HAS2: variants seen among roughly 807,000 people sequenced by gnomAD.
The protein encoded by HAS2 is HA synthase 2.
HAS2 carries 16 observed loss-of-function variants against 51.6 expected under a neutral mutation model. The observed-to-expected ratio is 0.31, with a 90% CI of 0.21 to 0.47. The LOEUF is 0.47. HAS2 is among the 20% of genes least tolerant of loss of function. The pLI, the probability that HAS2 is intolerant of heterozygous loss-of-function variation, is 1.00. For synonymous variants in HAS2, 228 were observed against 235.5 expected, an observed-to-expected ratio of 0.97 and a Z score of 0.29; for missense variants, 361 against 662.6, an observed-to-expected ratio of 0.54 and a Z score of 5.00.
rs1812820335 is a variant in HAS2 at position 121,624,878 on chromosome 8, G to A, written c.627+3836C>T. Reference sequence around the variant, plus strand: ...TGGGAGGCCGAGGCGGGTGGATCACGAGGTCAGGAGGTCGAGACCATCCTG... The same window carrying A: ...TGGGAGGCCGAGGCGGGTGGATCACAAGGTCAGGAGGTCGAGACCATCCTG... On this transcript the variant is annotated intron_variant, in intron 2 of 3. Transcript: ENST00000303924. 3.9e-5 allele frequency among the ~76,000 whole-genome samples: 6 copies of A among 152,006 alleles called. No homozygotes were observed. The South Asian group carries it at 1.2e-3, about 32-fold the overall frequency.
At chr8:121,626,357 A>G (rs193236096) in intron 2 of HAS2, among the ~76,000 whole-genome samples, 12 of 152,322 alleles carry the variant, frequency 7.9e-5, no homozygotes, top group Non-Finnish European at 1.3e-4. Flanking sequence ...ATTCAAGACC[A>G]AGTGAAAAGA....
At chr8:121,624,425 C>G (rs1812814628) in intron 2 of HAS2, among the ~76,000 whole-genome samples, 1 of 152,214 alleles carries the variant, frequency 6.6e-6, no homozygotes, top group African/African-American at 2.4e-5. Context: ...GTGTGCTTGT[C>G]AGCAAATGAC....
At chr8:121,640,541 T>C (rs2130458761) in intron 1 of HAS2, among the ~76,000 whole-genome samples, 1 of 151,920 alleles carries the variant, frequency 6.6e-6, no homozygotes, top group East Asian at 1.9e-4. Context: ...CCTCTGCTGC[T>C]CCGGAAGATG....
At chr8:121,623,461 A>G (rs1812801491) in intron 2 of HAS2, among the ~76,000 whole-genome samples, 1 of 152,190 alleles carries the variant, frequency 6.6e-6, no homozygotes, top group Non-Finnish European at 1.5e-5. Flanking sequence ...GTGCCCTTAA[A>G]TCAAGATTTA....
chr8:121,630,556 A>G (rs898702085), intron 1 of HAS2, among the ~76,000 whole-genome samples: 2 of 152,156 alleles, frequency 1.3e-5, no homozygotes, highest in Non-Finnish European at 2.9e-5. Flanking sequence ...AAGAAGATAT[A>G]ATTGGTATAA....
In HAS2 at chr8:121,627,890, G is replaced by A. The variant is rs1234379260; in HGVS notation, c.627+824C>T. Among the ~76,000 whole-genome samples, 4 of 152,170 alleles carry A rather than the reference G, an allele frequency of 2.6e-5. No individual in the cohort carries two copies. In the East Asian group the frequency reaches 5.8e-4, roughly 22 times the overall value. On this transcript the variant is annotated intron_variant, in intron 2 of 3. Coordinates refer to ENST00000303924, the MANE Select transcript of HAS2 (RefSeq NM_005328.3). ...TTTTTCCCCTCTCAATACCATCATG[G>A]CCAAAATCTAATTATTATAAAGTAT...
intron 1 of HAS2, 103 bp from the exon 2 acceptor site, chr8:121,629,443 T>C (rs1812899492): frequency 1.1e-6 from 1 of 920,922 alleles, no homozygotes; most frequent in East Asian, 2.4e-5. Flanking sequence ...CATTCAGGAG[T>C]TTTAACACTC....
chr8:121,617,554 G>A (rs1334057539), intron 2 of HAS2, among the ~76,000 whole-genome samples: 5 of 151,518 alleles, frequency 3.3e-5, no homozygotes, highest in Admixed American at 6.6e-5. Flanking sequence ...CTGGCAAACT[G>A]TAATGGTTGG....
intron 2 of HAS2, among the ~76,000 whole-genome samples, chr8:121,623,347 A>G (rs1239470112): frequency 6.6e-6 from 1 of 152,190 alleles, no homozygotes; most frequent in Non-Finnish European, 1.5e-5. Flanking sequence ...TGGAAAAGTG[A>G]GAAACCAAAT....
intron 2 of HAS2, among the ~76,000 whole-genome samples, chr8:121,623,323 G>A (rs1485029967): frequency 6.6e-6 from 1 of 152,092 alleles, no homozygotes; most frequent in Non-Finnish European, 1.5e-5. Context: ...GCAAAACAAA[G>A]GTGACGAGCC....
intron 1 of HAS2, among the ~76,000 whole-genome samples, chr8:121,640,610 T>C (rs1418409342): frequency 6.6e-6 from 1 of 152,048 alleles, no homozygotes; most frequent in Non-Finnish European, 1.5e-5. Context: ...AGGCTACCTG[T>C]GTCCCCAGAA....
chr8:121,621,441 T>G (rs1812772775), intron 2 of HAS2, among the ~76,000 whole-genome samples: 1 of 152,182 alleles, frequency 6.6e-6, no homozygotes, highest in African/African-American at 2.4e-5. Flanking sequence ...TGTGAGACAC[T>G]GCAAATAAAA....
At chr8:121,618,039 A>G (rs530060403) in intron 2 of HAS2, among the ~76,000 whole-genome samples, 335 of 151,832 alleles carry the variant, frequency 2.2e-3, no homozygotes, top group Non-Finnish European at 3.6e-3. Flanking sequence ...TAGACCAACC[A>G]CAACTTCAAG....
Position 121,613,427 on chromosome 8 carries a change from T to C in HAS2, c.*682A>G, listed in dbSNP as rs1234800543. 1.3e-5 allele frequency: 2 copies of C among 152,634 alleles called. No homozygotes were observed. Among genetic ancestry groups the C allele is most frequent in the Non-Finnish European group, 2.9e-5 (2 of 68,038 alleles). 9.5% of individuals were successfully genotyped at this position (152,634 alleles called of 1,614,324 possible). The stretch of plus-strand genomic sequence containing the variant: ...GTAGAGAGAGAGAAACATTTTATTC[T>C]TTCTATCATGAACATCAGTCAACCA... On this transcript the variant is annotated 3_prime_UTR_variant, in exon 4 of 4. Transcript: ENST00000303924.
At chr8:121,630,453 G>T (rs1042318998) in intron 1 of HAS2, among the ~76,000 whole-genome samples, 6 of 151,746 alleles carry the variant, frequency 4.0e-5, no homozygotes, top group African/African-American at 1.5e-4. Context: ...CATTTCCAAT[G>T]CTTAGCATTA....
intron 2 of HAS2, among the ~76,000 whole-genome samples, chr8:121,619,057 G>A (rs999950726): frequency 3.3e-5 from 5 of 151,934 alleles, no homozygotes; most frequent in African/African-American, 1.2e-4. Context: ...CTTCACATTA[G>A]TAACTAAGGA....
At chr8:121,618,584 G>T (rs1472275275) in intron 2 of HAS2, among the ~76,000 whole-genome samples, 2 of 151,926 alleles carry the variant, frequency 1.3e-5, no homozygotes, top group Non-Finnish European at 2.9e-5. Context: ...AAAAAAAGTA[G>T]GAAAAAAAAG....
At position 121,614,787 on chromosome 8, in the gene HAS2, T is replaced by C. The variant is rs1563619346; in HGVS notation, c.981A>G (p.Ala327=). Residue 327 remains alanine, a synonymous_variant, in exon 4 of 4, where the codon GCA becomes GCG. Transcript: ENST00000303924. The surrounding 1 kb of genome is among the most constrained non-coding windows in gnomAD (Gnocchi z 7.2). ...ACTTAGATCGAGCTGTGTATTTTGT[T>C]GCATAGCCCAGGCTCAGCACCCGGT... The part of the protein sequence containing the change: ...LTNRVLSLGY[A]TKYTARSKCL... 1 of 1,614,222 alleles carries C rather than the reference T, an allele frequency of 6.2e-7. No individual in the cohort carries two copies. The highest frequency in any genetic ancestry group is 8.5e-7 in the Non-Finnish European group (1 of 1,180,040).
chr8:121,633,172 C>T (rs1812957773), intron 1 of HAS2, among the ~76,000 whole-genome samples: 1 of 134,930 alleles, frequency 7.4e-6, no homozygotes, highest in African/African-American at 2.8e-5. Context: ...GAGTCTTGCT[C>T]TGTCACCCAG....
Sources: allele counts gnomAD v4.1 joint callset (sites outside exome capture counted in the v4.1 genomes callset), GRCh38; gene constraint gnomAD v4.1.1; non-coding constraint Gnocchi (gnomAD v3.1); transcripts MANE v1.5; gene names NCBI Gene and HGNC (gene_info 2026-07-23, HGNC 2026-07-21).